The following CC2D2B variants were observed in gnomAD, a reference collection of about 807,000 sequenced individuals.
The protein encoded by CC2D2B is protein CC2D2B.
Under a neutral mutation model 161.2 loss-of-function variants are expected in CC2D2B, and 128 were observed. The ratio of observed to expected loss-of-function variants is 0.79; its 90% confidence interval spans 0.69 to 0.92. The LOEUF is 0.92. Among genes scored for constraint, CC2D2B ranks in the 40% least tolerant of loss-of-function variants. CC2D2B has a pLI of 0.00. For synonymous variants in CC2D2B, 391 were observed against 449.8 expected, an observed-to-expected ratio of 0.87 and a Z score of 1.65; for missense variants, 1,173 against 1,375.1, an observed-to-expected ratio of 0.85 and a Z score of 2.32.
intron 9 of CC2D2B, among the ~76,000 whole-genome samples, chr10:95,945,018 G>C (rs1173369958): frequency 6.6e-6 from 1 of 152,178 alleles, no homozygotes; most frequent in African/African-American, 2.4e-5. Context: ...TTATAAAGGG[G>C]CTTTTGCCCT....
chr10:95,916,643 G>T (rs887417336), intron 2 of CC2D2B, among the ~76,000 whole-genome samples: 1 of 151,866 alleles, frequency 6.6e-6, no homozygotes, highest in African/African-American at 2.4e-5. Flanking sequence ...TTTCTTCATT[G>T]AGCCACTGGT....
intron 4 of CC2D2B, 65 bp downstream of exon 4, chr10:95,924,455 A>G: frequency 2.2e-6 from 2 of 906,136 alleles, no homozygotes; most frequent in South Asian, 3.6e-5. Flanking sequence ...AACACAATCA[A>G]GTTTTCTTTG....
At chr10:95,916,691 A>G (rs971047033) in intron 2 of CC2D2B, among the ~76,000 whole-genome samples, 2 of 152,060 alleles carry the variant, frequency 1.3e-5, no homozygotes, top group African/African-American at 2.4e-5. Flanking sequence ...ATGTGTTTGT[A>G]TAGTTTCCAA....
At chr10:96,004,959 G>A (rs747584005) in intron 25 of CC2D2B, among the ~76,000 whole-genome samples, 16 of 152,164 alleles carry the variant, frequency 1.1e-4, no homozygotes, top group African/African-American at 1.7e-4. Flanking sequence ...GTTCAGGAAC[G>A]AGCCTTCTGT....
chr10:96,030,448 A>G (rs996386553), intron 34 of CC2D2B, among the ~76,000 whole-genome samples: 8 of 152,024 alleles, frequency 5.3e-5, no homozygotes, highest in African/African-American at 1.2e-4. Context: ...TTACCATGCA[A>G]TAGACTAGAG....
At chr10:95,921,377 C>A (rs2098526856) in intron 2 of CC2D2B, 1 of 152,228 alleles carries the variant, frequency 6.6e-6, no homozygotes, top group Admixed American at 6.5e-5. Context: ...TGCCATGCTG[C>A]CTGGGGATGA....
intron 10 of CC2D2B, among the ~76,000 whole-genome samples, chr10:95,954,471 T>C (rs1175077471): frequency 1.3e-5 from 2 of 152,172 alleles, no homozygotes; most frequent in Non-Finnish European, 2.9e-5. Context: ...ATATGACATA[T>C]TTGTCTAGTT....
rs2098529649 is a variant in CC2D2B, at chr10:95,922,638, G to C, written c.97+562G>C. ...CTATGTAACCTTTAAGCACTCAAAG[G>C]CAGGGAATAGAAAAAGTAAAAAGCA... On this transcript the variant is annotated intron_variant, in intron 3 of 34. Transcript: ENST00000646931. Among the ~76,000 whole-genome samples, 2 of 152,086 alleles carry C rather than the reference G, an allele frequency of 1.3e-5. 1 individual carries two copies. Among genetic ancestry groups the C allele is most frequent in the South Asian group, 4.1e-4 (2 of 4,830 alleles).
chr10:95,933,940 T>C (rs1250819197), intron 6 of CC2D2B, among the ~76,000 whole-genome samples: 1 of 152,212 alleles, frequency 6.6e-6, no homozygotes, highest in Non-Finnish European at 1.5e-5. Flanking sequence ...TCTTCAGAGC[T>C]GGCAGGCAGG....
At chr10:96,008,897 A>C (rs557089428) in intron 25 of CC2D2B, among the ~76,000 whole-genome samples, 1 of 152,210 alleles carries the variant, frequency 6.6e-6, no homozygotes, top group South Asian at 2.1e-4. Flanking sequence ...CGATGAAGTC[A>C]AACTTATCAA....
chr10:95,956,524 T>C (rs2076572778), intron 11 of CC2D2B, among the ~76,000 whole-genome samples: 1 of 152,008 alleles, frequency 6.6e-6, no homozygotes, highest in Admixed American at 6.6e-5. Flanking sequence ...AATTGAAAAA[T>C]ATAAAATGAA....
intron 9 of CC2D2B, among the ~76,000 whole-genome samples, chr10:95,939,215 A>G (rs1430954736): frequency 6.6e-6 from 1 of 152,198 alleles, no homozygotes. Flanking sequence ...CAAGGTAGCC[A>G]CTATTATAAC....
At chr10:96,001,234 G>A (rs1451293977) in intron 24 of CC2D2B, among the ~76,000 whole-genome samples, 1 of 152,074 alleles carries the variant, frequency 6.6e-6, no homozygotes, top group East Asian at 1.9e-4. Context: ...GCAGGTATGT[G>A]TAGCTATTAA....
chr10:95,908,395 T>C (rs774780747), intron 1 of CC2D2B, among the ~76,000 whole-genome samples: 1 of 152,154 alleles, frequency 6.6e-6, no homozygotes, highest in Non-Finnish European at 1.5e-5. Flanking sequence ...ACTTGGAAGG[T>C]AGAATGTAAT....
In CC2D2B at chr10:96,019,251, T is replaced by C. The variant is rs774019170; in HGVS notation, c.3679T>C (p.Trp1227Arg). 2.8e-5 allele frequency: 45 copies of C among 1,613,006 alleles called. No homozygotes were observed. Among genetic ancestry groups the C allele is most frequent in the Non-Finnish European group, 3.8e-5 (45 of 1,179,430 alleles). The change falls in exon 31 of 35, where the codon TGG (tryptophan) becomes CGG (arginine). Residue 1227 changes from tryptophan to arginine, a missense_variant. Trp to Arg is a moderately radical substitution (Grantham distance 101). Transcript: ENST00000646931. ...VTQETNEYLL[W>R]NPSTGQCYKQ... ...TCAAGAAACTAATGAATATTTGCTT[T>C]GGAATCCATCAACTGGCCAATGTTA...
intron 25 of CC2D2B, among the ~76,000 whole-genome samples, chr10:96,007,186 C>T (rs1341439687): frequency 1.3e-5 from 2 of 152,148 alleles, no homozygotes; most frequent in Non-Finnish European, 2.9e-5. Flanking sequence ...CCACCCTCCA[C>T]ACTCCAATAG....
intron 2 of CC2D2B, among the ~76,000 whole-genome samples, chr10:95,918,420 G>A (rs71482389): frequency 0.043 from 6,490 of 152,208 alleles, 170 homozygotes; most frequent in Non-Finnish European, 0.061. Flanking sequence ...CCTTCAGCAC[G>A]TTAAATAGAT....
intron 22 of CC2D2B, among the ~76,000 whole-genome samples, chr10:95,994,687 C>T (rs943687242): frequency 3.9e-5 from 6 of 152,208 alleles, no homozygotes. Context: ...AGAGGGCTCA[C>T]CTCTTCCTTT....
intron 24 of CC2D2B, among the ~76,000 whole-genome samples, chr10:95,998,531 A>C (rs903163165): frequency 6.6e-6 from 1 of 152,146 alleles, no homozygotes; most frequent in African/African-American, 2.4e-5. Context: ...GAGAAACAGA[A>C]ACAATAGGAT....
Sources: allele counts gnomAD v4.1 joint callset (sites outside exome capture counted in the v4.1 genomes callset), GRCh38; gene constraint gnomAD v4.1.1; transcripts MANE v1.5; gene names NCBI Gene and HGNC (gene_info 2026-07-23, HGNC 2026-07-21).